RBFOX1: variants seen among roughly 807,000 people sequenced by gnomAD.
RBFOX1 encodes RNA binding protein fox-1 homolog 1.
RBFOX1 carries 8 observed loss-of-function variants against 57.7 expected under a neutral mutation model. That is an observed-to-expected ratio of 0.14 (90% CI 0.08 to 0.25). The LOEUF (loss-of-function observed/expected upper bound fraction) is 0.25. RBFOX1 is among the 10% of genes least tolerant of loss of function. RBFOX1 has a pLI of 1.00. For synonymous variants in RBFOX1, 326 were observed against 222.4 expected (o/e 1.47, Z -4.15); for missense variants, 611 against 548.5 (o/e 1.11, Z -1.14).
intron 3 of RBFOX1, among the ~76,000 whole-genome samples, chr16:5,783,228 G>A (rs776808004): frequency 8.5e-5 from 13 of 152,162 alleles, no homozygotes; most frequent in Non-Finnish European, 1.8e-4. Context: ...ATACAGTTCA[G>A]TGAGGTTTTG....
At chr16:6,782,642 C>G (rs1328337094) in intron 3 of RBFOX1, among the ~76,000 whole-genome samples, 2 of 152,108 alleles carry the variant, frequency 1.3e-5, no homozygotes, top group African/African-American at 2.4e-5. Context: ...GTGTTTCGGC[C>G]TAACATATGG....
chr16:5,456,837 C>T (rs1383782498), intron 1 of RBFOX1, among the ~76,000 whole-genome samples: 1 of 152,162 alleles, frequency 6.6e-6, no homozygotes, highest in Non-Finnish European at 1.5e-5. Context: ...TCACATGGCT[C>T]CTGAGACCCC....
At chr16:7,135,503 G>A (rs7189935) in intron 4 of RBFOX1, among the ~76,000 whole-genome samples, 3,992 of 152,334 alleles carry the variant, frequency 0.026, 184 homozygotes, top group African/African-American at 0.091. Context: ...GTGTGTTTTT[G>A]TAATGAGGAA....
intron 3 of RBFOX1, among the ~76,000 whole-genome samples, chr16:5,706,823 G>A (rs2051265717): frequency 6.6e-6 from 1 of 152,030 alleles, no homozygotes; most frequent in Admixed American, 6.5e-5. Context: ...GGAATCACTG[G>A]GGCAGGGGGC....
intron 3 of RBFOX1, among the ~76,000 whole-genome samples, chr16:6,780,035 TTATATA>T (rs1244891508): frequency 7.1e-5 from 2 of 27,990 alleles, no homozygotes; most frequent in Non-Finnish European, 1.1e-4. Context: ...TTATATATAT[TTATATA>T]TATTTACATA....
At chr16:7,251,322 C>T (rs1258907550) in intron 4 of RBFOX1, among the ~76,000 whole-genome samples, 2 of 151,992 alleles carry the variant, frequency 1.3e-5, no homozygotes, top group African/African-American at 4.8e-5. Context: ...CCAGGTTCAT[C>T]CACAGTGTTG....
rs537675685 is a variant in RBFOX1, at chr16:6,972,824, A to G, written c.-15-79233A>G. 7.7e-4 allele frequency among the ~76,000 whole-genome samples: 117 copies of G among 152,194 alleles called. 1 individual carries two copies. Among genetic ancestry groups the G allele is most frequent in the African/African-American group, 2.6e-3 (110 of 41,530 alleles). On this transcript the variant is annotated intron_variant, in intron 3 of 15. Coordinates refer to ENST00000550418, the MANE Select transcript of RBFOX1 (RefSeq NM_018723.4). ...TCTGTTCAAATTCATATTTTTTTCA[A>G]TAAAACCAGAGACAAGGGGCCGGAT...
intron 1 of RBFOX1, among the ~76,000 whole-genome samples, chr16:5,264,222 T>C (rs1475345826): frequency 6.6e-6 from 1 of 152,104 alleles, no homozygotes; most frequent in Non-Finnish European, 1.5e-5. Context: ...CAGAGAGCTT[T>C]ACAGTGATGA....
intron 3 of RBFOX1, among the ~76,000 whole-genome samples, chr16:5,753,679 C>G (rs1412584889): frequency 6.6e-6 from 1 of 152,128 alleles, no homozygotes; most frequent in Non-Finnish European, 1.5e-5. Flanking sequence ...ACCACAGAAA[C>G]TGGAAAACCC....
intron 1 of RBFOX1, among the ~76,000 whole-genome samples, chr16:5,406,739 A>G (rs1017324426): frequency 1.5e-4 from 23 of 152,164 alleles, no homozygotes; most frequent in African/African-American, 5.6e-4. Flanking sequence ...TGCATTTAGT[A>G]CATTACACAA....
chr16:5,654,185 G>A (rs1269982395), intron 3 of RBFOX1, among the ~76,000 whole-genome samples: 2 of 152,180 alleles, frequency 1.3e-5, no homozygotes, highest in African/African-American at 4.8e-5. Flanking sequence ...TCTTATCTGT[G>A]AAATGGACTT....
chr16:6,265,558 G>A (rs754643264), intron 1 of RBFOX1, among the ~76,000 whole-genome samples: 4 of 152,246 alleles, frequency 2.6e-5, no homozygotes, highest in East Asian at 3.9e-4. Context: ...CACTGTGCCC[G>A]GCCAGTTTGA....
chr16:7,120,345 A>C (rs1456583975), intron 4 of RBFOX1, among the ~76,000 whole-genome samples: 1 of 152,006 alleles, frequency 6.6e-6, no homozygotes. Flanking sequence ...ATGTAAGATT[A>C]AAAAAATGAA....
intron 4 of RBFOX1, among the ~76,000 whole-genome samples, chr16:7,182,223 T>C (rs2082859983): frequency 6.6e-6 from 1 of 152,138 alleles, no homozygotes; most frequent in African/African-American, 2.4e-5. Context: ...CTACATGAAG[T>C]TGTTACAGGG....
intron 3 of RBFOX1, among the ~76,000 whole-genome samples, chr16:5,645,090 A>T (rs531350011): frequency 1.3e-3 from 204 of 152,074 alleles, no homozygotes; most frequent in South Asian, 4.6e-3. Context: ...ACAAAAAAAA[A>T]AAAAATAAAA....
intron 4 of RBFOX1, among the ~76,000 whole-genome samples, chr16:5,949,712 A>C (rs1189162777): frequency 6.6e-6 from 1 of 152,146 alleles, no homozygotes; most frequent in Non-Finnish European, 1.5e-5. Context: ...GCAGTTCTCA[A>C]AATATGCTAC....
At chr16:6,842,576 T>C (rs2093537756) in intron 3 of RBFOX1, among the ~76,000 whole-genome samples, 1 of 152,160 alleles carries the variant, frequency 6.6e-6, no homozygotes, top group Non-Finnish European at 1.5e-5. Flanking sequence ...CAGTGTTCCA[T>C]TGTATAGACA....
chr16:6,700,274 G>A (rs7198444), intron 3 of RBFOX1, among the ~76,000 whole-genome samples: 3,292 of 152,036 alleles, frequency 0.022, 58 homozygotes, highest in Middle Eastern at 0.041. Context: ...TGAACCCAAG[G>A]CTTGTTGAAA....
At chr16:7,206,593 T>C (rs1309530727) in intron 4 of RBFOX1, among the ~76,000 whole-genome samples, 1 of 152,088 alleles carries the variant, frequency 6.6e-6, no homozygotes, top group East Asian at 1.9e-4. Flanking sequence ...CTGATTTTAT[T>C]GCCAGTCATA....
Sources: allele counts gnomAD v4.1 joint callset (sites outside exome capture counted in the v4.1 genomes callset), GRCh38; gene constraint gnomAD v4.1.1; transcripts MANE v1.5; gene names NCBI Gene and HGNC (gene_info 2026-07-23, HGNC 2026-07-21).